OPRM1: variants seen among roughly 807,000 people sequenced by gnomAD.
OPRM1 encodes opioid receptor mu 1, also known as mu-type opioid receptor.
Under a neutral mutation model 31.8 loss-of-function variants are expected in OPRM1, and 27 were observed. The ratio of observed to expected loss-of-function variants is 0.85; its 90% CI spans 0.63 to 1.17. OPRM1 has a LOEUF of 1.17. OPRM1 is among the 50% of genes most tolerant of loss of function. The pLI is 0.00. For missense variants in OPRM1, 536 were observed against 511.1 expected (o/e 1.05, Z -0.47); for synonymous variants, 196 against 189.9 (o/e 1.03, Z -0.26).
At chr6:154,201,990 C>G (rs975852034) in intron 3 of OPRM1, among the ~76,000 whole-genome samples, 38 of 152,178 alleles carry the variant, frequency 2.5e-4, no homozygotes, top group African/African-American at 9.2e-4. Flanking sequence ...TTCAAAAACC[C>G]TCAGAATCAT....
chr6:154,040,363 T>A (rs937422520), intron 1 of OPRM1, among the ~76,000 whole-genome samples: 1 of 152,130 alleles, frequency 6.6e-6, no homozygotes, highest in Non-Finnish European at 1.5e-5. Flanking sequence ...GGTTTAGTAC[T>A]TCCCTGTACC....
downstream of OPRM1, among the ~76,000 whole-genome samples, chr6:154,136,066 C>T (rs1229472245): frequency 6.6e-6 from 1 of 152,154 alleles, no homozygotes; most frequent in African/African-American, 2.4e-5. Context: ...AGGCGTGATT[C>T]GGCTCTGCCT....
chr6:154,179,523 A>C (rs1800655569), intron 3 of OPRM1, among the ~76,000 whole-genome samples: 1 of 152,124 alleles, frequency 6.6e-6, no homozygotes, highest in Admixed American at 6.6e-5. Context: ...TCTGAAGCAA[A>C]ATAAATGAAT....
intron 1 of OPRM1, among the ~76,000 whole-genome samples, chr6:154,053,458 T>TA (rs748548312): frequency 5.6e-4 from 85 of 152,144 alleles, no homozygotes; most frequent in Middle Eastern, 3.4e-3. Context: ...ATTGCTCATT[T>TA]AAAAAAAATG....
rs60794328 is a variant in OPRM1 at position 154,117,858 on chromosome 6, G to GGTGTGTGTGTGTGTGTGT, written c.1165-812_1165-795dup. ...AAAGCATCAAATGGCTTAAAAAGAT[G>GGTGTGTGTGTGTGTGTGT]GTGTGTGTGTGTGTGTGTGTGTGTG... On this transcript the variant is annotated intron_variant, in intron 3 of 3. Transcript: ENST00000330432. Among the ~76,000 whole-genome samples, 450 of 145,644 alleles carry GGTGTGTGTGTGTGTGTGT rather than the reference G, an allele frequency of 3.1e-3. 2 individuals are homozygous for GGTGTGTGTGTGTGTGTGT. Among genetic ancestry groups the GGTGTGTGTGTGTGTGTGT allele is most frequent in the African/African-American group, 8.8e-3 (345 of 39,318 alleles).
At chr6:154,184,212 G>C (rs1449299258) in intron 3 of OPRM1, among the ~76,000 whole-genome samples, 1 of 151,852 alleles carries the variant, frequency 6.6e-6, no homozygotes, top group Non-Finnish European at 1.5e-5. Context: ...AAAAATAGCT[G>C]TATCAGCTAT....
At position 154,093,397 on chromosome 6, in the gene OPRM1, G is replaced by A. The variant is rs760919305; in HGVS notation, c.1164+1925G>A. 29 of 1,614,052 alleles carry A rather than the reference G, an allele frequency of 1.8e-5. 1 individual carries two copies. Among genetic ancestry groups the A allele is most frequent in the East Asian group, 1.8e-4 (8 of 44,876 alleles). On this transcript the variant is annotated intron_variant, in intron 3 of 3. Transcript: ENST00000330432. The stretch of plus-strand genomic sequence containing the variant: ...GCTATCCTTCACTCGTCCTGCCTTC[G>A]TGGAAATACTGCTCCCAGCCCGTCT...
At chr6:154,212,937 C>G (rs1272379050) in intron 3 of OPRM1, 6 of 923,658 alleles carry the variant, frequency 6.5e-6, no homozygotes, top group East Asian at 5.2e-5. Context: ...TTATCTCCAT[C>G]TGGCTATTGC....
At chr6:154,182,980 T>C (rs1334027308) in intron 3 of OPRM1, among the ~76,000 whole-genome samples, 1 of 134,742 alleles carries the variant, frequency 7.4e-6, no homozygotes, top group African/African-American at 3.0e-5. Context: ...CCCTTATCTT[T>C]TTTTTTTCTT....
chr6:154,197,361 G>A (rs1396222916), intron 3 of OPRM1, among the ~76,000 whole-genome samples: 3 of 152,148 alleles, frequency 2.0e-5, no homozygotes, highest in African/African-American at 2.4e-5. Flanking sequence ...TGTTTCCATA[G>A]AGATGACTTT....
At chr6:154,142,678 C>G (rs1213876229) in intron 3 of OPRM1, among the ~76,000 whole-genome samples, 1 of 152,196 alleles carries the variant, frequency 6.6e-6, no homozygotes, top group African/African-American at 2.4e-5. Context: ...CATTCCTGCT[C>G]TAAAGCTTTT....
At chr6:154,187,602 C>T (rs926693351) in intron 3 of OPRM1, among the ~76,000 whole-genome samples, 4 of 152,070 alleles carry the variant, frequency 2.6e-5, no homozygotes, top group African/African-American at 9.7e-5. Context: ...TCATGATTGT[C>T]GAAGGAGAGA....
chr6:154,171,691 T>C (rs559436379), intron 3 of OPRM1, among the ~76,000 whole-genome samples: 10 of 152,302 alleles, frequency 6.6e-5, no homozygotes, highest in East Asian at 3.9e-4. Context: ...TGATGCTACA[T>C]AGCAGAAATA....
intron 3 of OPRM1, among the ~76,000 whole-genome samples, chr6:154,099,153 C>T (rs1369775752): frequency 6.6e-6 from 1 of 151,920 alleles, no homozygotes; most frequent in African/African-American, 2.4e-5. Flanking sequence ...GGCGCGGTGG[C>T]ATGCACCTGT....
intron 3 of OPRM1, among the ~76,000 whole-genome samples, chr6:154,153,369 TG>T: frequency 6.6e-6 from 1 of 152,270 alleles, no homozygotes; most frequent in Admixed American, 6.5e-5. Flanking sequence ...CAGGTGAGCC[TG>T]TTGTAATCAC....
chr6:154,229,076 T>A (rs1034714769), intron 3 of OPRM1, among the ~76,000 whole-genome samples: 1 of 152,204 alleles, frequency 6.6e-6, no homozygotes, highest in Non-Finnish European at 1.5e-5. Flanking sequence ...GGTGCCCCCA[T>A]GTCTGCCTCC....
In OPRM1 at chr6:154,039,414, G is replaced by A. The variant is rs1583170518; in HGVS notation, c.-131G>A. ...CTGACGCTCCTCTCTGTCTCAGCCA[G>A]GACTGGTTTCTGTAAGAAACAGCAG... On this transcript the variant is annotated 5_prime_UTR_variant, in exon 1 of 4. Coordinates refer to ENST00000330432, the MANE Select transcript of OPRM1 (RefSeq NM_000914.5). The A allele has an allele frequency of 6.4e-7, 1 of 1,550,720 alleles. No homozygotes were observed. Among genetic ancestry groups the A allele is most frequent in the Non-Finnish European group, 8.7e-7 (1 of 1,146,404 alleles).
At chr6:154,089,112 G>C (rs1791363130) in intron 1 of OPRM1, among the ~76,000 whole-genome samples, 2 of 152,212 alleles carry the variant, frequency 1.3e-5, no homozygotes, top group African/African-American at 4.8e-5. Flanking sequence ...GCATGTGTTT[G>C]TGTACATACC....
At chr6:154,200,115 T>G (rs188233400) in intron 3 of OPRM1, 3 of 1,323,672 alleles carry the variant, frequency 2.3e-6, no homozygotes, top group African/African-American at 3.0e-5. Context: ...CCTTTTATTT[T>G]CAATCACGGT....
Sources: allele counts gnomAD v4.1 joint callset (sites outside exome capture counted in the v4.1 genomes callset), GRCh38; gene constraint gnomAD v4.1.1; transcripts MANE v1.5; gene names NCBI Gene and HGNC (gene_info 2026-07-23, HGNC 2026-07-21).